Variants in PC observed in about 807,000 individuals in gnomAD.
The protein encoded by PC is pyruvate carboxylase.
A neutral mutation model predicts 107.8 loss-of-function variants in PC; 46 were observed. The ratio of observed to expected loss-of-function variants is 0.43; its 90% CI spans 0.34 to 0.55. The LOEUF is 0.55. PC is among the 20% of genes least tolerant of loss of function. The pLI is 0.04. For missense variants in PC, 1,241 were observed against 1,643.1 expected (o/e 0.76, Z 4.23); for synonymous variants, 662 against 684.7 (o/e 0.97, Z 0.52).
intron 3 of PC, among the ~76,000 whole-genome samples, chr11:66,926,466 G>A (rs978765318): frequency 6.6e-6 from 1 of 152,078 alleles, no homozygotes; most frequent in Non-Finnish European, 1.5e-5. Context: ...ACAAAATCCT[G>A]GAAATAAGCC....
intron 1 of PC, among the ~76,000 whole-genome samples, chr11:66,954,746 C>T (rs2136162852): frequency 6.6e-6 from 1 of 152,238 alleles, no homozygotes; most frequent in African/African-American, 2.4e-5. Flanking sequence ...GAGTTCGAGA[C>T]CAGCCTGCCC....
intron 3 of PC, among the ~76,000 whole-genome samples, chr11:66,949,423 C>T (rs1195632258): frequency 6.6e-6 from 1 of 151,822 alleles, no homozygotes; most frequent in African/African-American, 2.4e-5. Context: ...AAGGCCGGGG[C>T]GGCGGCTCAC....
intron 12 of PC, chr11:66,860,310 C>A (rs1946179860): frequency 2.8e-6 from 4 of 1,413,508 alleles, no homozygotes; most frequent in Non-Finnish European, 3.9e-6. Flanking sequence ...ACCTCAGGCT[C>A]CCCTGTGTAC....
At chr11:66,896,520 G>A (rs188047523) in intron 3 of PC, among the ~76,000 whole-genome samples, 7 of 152,366 alleles carry the variant, frequency 4.6e-5, no homozygotes, top group East Asian at 1.9e-4. Flanking sequence ...AAAGAGGAGC[G>A]GGGAACAAAG....
At chr11:66,881,869 A>G (rs1947199704) in intron 3 of PC, among the ~76,000 whole-genome samples, 1 of 152,204 alleles carries the variant, frequency 6.6e-6, no homozygotes, top group Non-Finnish European at 1.5e-5. Flanking sequence ...CGGACCCATC[A>G]GAGTTGGCCT....
intron 12 of PC, chr11:66,860,055 G>C: frequency 6.4e-7 from 1 of 1,569,966 alleles, no homozygotes; most frequent in Non-Finnish European, 8.6e-7. Flanking sequence ...GGACCTGGGA[G>C]ATGCCGGGTG....
rs545388941 is a variant in PC at position 66,905,762 on chromosome 11, C to T, written c.1-33603G>A. Among the ~76,000 whole-genome samples, 4 of 152,212 alleles carry T rather than the reference C, an allele frequency of 2.6e-5. No homozygotes were observed. In the East Asian group the frequency reaches 5.8e-4, roughly 22 times the overall value. On this transcript the variant is annotated intron_variant, in intron 3 of 22. Coordinates refer to ENST00000393960, the MANE Select transcript of PC (RefSeq NM_001040716.2). Reference sequence around the variant, plus strand: ...GCCATGAGAAAGAGCTTGGCCTCAGCAAGGTGGGGAGGGCTGCTGCCCACA... The same window carrying T: ...GCCATGAGAAAGAGCTTGGCCTCAGTAAGGTGGGGAGGGCTGCTGCCCACA...
At chr11:66,902,321 C>T (rs1326434645) in intron 3 of PC, among the ~76,000 whole-genome samples, 1 of 152,194 alleles carries the variant, frequency 6.6e-6, no homozygotes, top group Admixed American at 6.5e-5. Flanking sequence ...GCTGATTTTA[C>T]TGTGATGGCC....
At chr11:66,898,226 G>T (rs189460011) in intron 3 of PC, among the ~76,000 whole-genome samples, 18 of 152,314 alleles carry the variant, frequency 1.2e-4, no homozygotes, top group African/African-American at 4.1e-4. Context: ...CCTCCACCCG[G>T]CCAAAGGGAG....
chr11:66,904,612 T>G (rs1424859045), intron 3 of PC, among the ~76,000 whole-genome samples: 1 of 152,250 alleles, frequency 6.6e-6, no homozygotes, highest in African/African-American at 2.4e-5. Context: ...CACTCCAGCA[T>G]GGGTGACAGA....
Position 66,871,552 on chromosome 11 carries a change from G to A in PC, c.322-72C>T. 6.3e-7 allele frequency: 1 copy of A among 1,598,260 alleles called. No individual in the cohort carries two copies. The highest frequency in any genetic ancestry group is 8.6e-7 in the Non-Finnish European group (1 of 1,167,234). Reference sequence around the variant, plus strand: ...AAGGCCTCGGCCAGCCTCTTCCCCTGCCTAACCTGCTGAGCTGCATCCGTT... The same window carrying A: ...AAGGCCTCGGCCAGCCTCTTCCCCTACCTAACCTGCTGAGCTGCATCCGTT... On this transcript the variant is annotated intron_variant, in intron 5 of 22. Transcript: ENST00000393960. The surrounding 1 kb of genome is among the most constrained non-coding windows in gnomAD (Gnocchi z 7.4).
intron 10 of PC, among the ~76,000 whole-genome samples, chr11:66,867,118 G>T (rs1312771956): frequency 6.6e-6 from 1 of 152,244 alleles, no homozygotes; most frequent in African/African-American, 2.4e-5. Context: ...GGGCACAGCA[G>T]GTCATGCCTG....
chr11:66,936,455 C>A (rs1382137921), intron 3 of PC, among the ~76,000 whole-genome samples: 1 of 152,042 alleles, frequency 6.6e-6, no homozygotes, highest in Non-Finnish European at 1.5e-5. Context: ...GGAGAGGCCA[C>A]CAATATTGTT....
chr11:66,886,965 C>T (rs1311883288), intron 3 of PC, among the ~76,000 whole-genome samples: 1 of 152,198 alleles, frequency 6.6e-6, no homozygotes, highest in Non-Finnish European at 1.5e-5. Flanking sequence ...TGTGCCACAG[C>T]GTCTTTCCCA....
intron 3 of PC, among the ~76,000 whole-genome samples, chr11:66,936,462 T>C (rs1214085510): frequency 6.6e-6 from 1 of 152,170 alleles, no homozygotes; most frequent in African/African-American, 2.4e-5. Context: ...CCACCAATAT[T>C]GTTATTGGCA....
chr11:66,850,960 G>A, intron 17 of PC, 37 bp from the exon 18 acceptor site: 1 of 1,607,656 alleles, frequency 6.2e-7, no homozygotes, highest in Non-Finnish European at 8.5e-7. Flanking sequence ...AGAGATGGTA[G>A]AGAGGGCAGG....
Position 66,860,090 on chromosome 11 carries a change from A to C in PC, c.1368+3684T>G, listed in dbSNP as rs747101411. ...GCTACGGTTATGCCAGGCGCCTGGG[A>C]GGAGCTTGGGCCCGACGGAGCCACT... On this transcript the variant is annotated intron_variant, in intron 12 of 22. Transcript: ENST00000393960. 6.4e-6 allele frequency: 10 copies of C among 1,554,208 alleles called. No individual in the cohort carries two copies. In the Admixed American group the frequency reaches 1.4e-4, roughly 21 times the overall value.
intron 3 of PC, among the ~76,000 whole-genome samples, chr11:66,879,382 A>G (rs113612873): frequency 0.04 from 6,140 of 152,304 alleles, 197 homozygotes; most frequent in African/African-American, 0.09. Context: ...CCTGTCCCCA[A>G]CATTCCTCTG....
chr11:66,903,793 C>T (rs1455980477), intron 3 of PC, among the ~76,000 whole-genome samples: 2 of 118,930 alleles, frequency 1.7e-5, no homozygotes, highest in Non-Finnish European at 3.5e-5. Context: ...TATATATATA[C>T]ACACACCCAC....
Sources: gnomAD v4.1 joint callset for allele counts (sites outside exome capture counted in the v4.1 genomes callset) on GRCh38, gnomAD v4.1.1 for gene constraint, Gnocchi (gnomAD v3.1) non-coding constraint, MANE v1.5 for transcripts, NCBI Gene and HGNC (gene_info 2026-07-23, HGNC 2026-07-21) for gene names.